Variants in OSBPL9 observed in about 807,000 individuals in gnomAD.
OSBPL9 encodes the protein oxysterol-binding protein-related protein 9.
OSBPL9 carries 40 observed loss-of-function variants against 106.6 expected under a neutral mutation model. The ratio of observed to expected loss-of-function variants is 0.38; its 90% CI spans 0.29 to 0.49. The LOEUF (loss-of-function observed/expected upper bound fraction) is 0.49, where lower values mean the gene tolerates loss of function less well. Among genes scored for constraint, OSBPL9 ranks in the 20% least tolerant of loss-of-function variants. The pLI, the probability that OSBPL9 is intolerant of heterozygous loss-of-function variation, is 0.97. For missense variants in OSBPL9, 609 were observed against 887.2 expected (o/e 0.69, Z 3.98); for synonymous variants, 269 against 295.4 (o/e 0.91, Z 0.92).
chr1:51,621,272 C>T (rs1221502410), intron 1 of OSBPL9, among the ~76,000 whole-genome samples: 3 of 152,012 alleles, frequency 2.0e-5, no homozygotes, highest in African/African-American at 4.8e-5. Context: ...GAGGCCGAGG[C>T]GGGGAGATCA....
the OSBPL9 span, among the ~76,000 whole-genome samples, chr1:51,551,594 A>G: frequency 1.3e-5 from 2 of 151,520 alleles, no homozygotes; most frequent in Admixed American, 6.6e-5. Flanking sequence ...TTATTTACTT[A>G]TTTATTTTTT....
the OSBPL9 span, chr1:51,519,185 G>C: frequency 6.9e-7 from 1 of 1,443,784 alleles, no homozygotes; most frequent in Non-Finnish European, 9.2e-7. Flanking sequence ...CGGCGGACGG[G>C]CGTGTGGCGT....
At chr1:51,569,140 C>T in the OSBPL9 span, among the ~76,000 whole-genome samples, 21,624 of 152,148 alleles carry the variant, frequency 0.14, 2,127 homozygotes, top group South Asian at 0.27. Context: ...GTTACAGATA[C>T]AACACTCTGG....
At chr1:51,645,203 A>T (rs978550387) in intron 1 of OSBPL9, among the ~76,000 whole-genome samples, 1 of 152,204 alleles carries the variant, frequency 6.6e-6, no homozygotes, top group Non-Finnish European at 1.5e-5. Flanking sequence ...GTATTCTGTT[A>T]TAGTAGCACA....
chr1:51,721,318 A>G (rs1413622450), intron 4 of OSBPL9, among the ~76,000 whole-genome samples: 4 of 152,188 alleles, frequency 2.6e-5, no homozygotes, highest in African/African-American at 9.7e-5. Context: ...AAACATCATT[A>G]TATGAAAAGG....
upstream of OSBPL9, among the ~76,000 whole-genome samples, chr1:51,614,903 C>T (rs534898860): frequency 3.6e-4 from 55 of 152,272 alleles, no homozygotes; most frequent in African/African-American, 1.3e-3. Flanking sequence ...TATTAAAACC[C>T]TGGTACTATG....
intron 1 of OSBPL9, among the ~76,000 whole-genome samples, chr1:51,627,023 G>C (rs1644805679): frequency 6.6e-6 from 1 of 151,956 alleles, no homozygotes; most frequent in Admixed American, 6.6e-5. Flanking sequence ...TGTTTATTTT[G>C]AGACAAGGTC....
At chr1:51,774,345 T>A (rs1374621980) in intron 14 of OSBPL9, among the ~76,000 whole-genome samples, 2 of 152,236 alleles carry the variant, frequency 1.3e-5, no homozygotes, top group Non-Finnish European at 2.9e-5. Context: ...CATAATTATT[T>A]TTTACTGAAT....
upstream of OSBPL9, among the ~76,000 whole-genome samples, chr1:51,616,209 G>A (rs1038241867): frequency 6.6e-6 from 1 of 151,862 alleles, no homozygotes; most frequent in African/African-American, 2.4e-5. Context: ...GGTCTCGAAC[G>A]CCTGATCTCA....
At chr1:51,747,891 G>A (rs113572090) in intron 6 of OSBPL9, among the ~76,000 whole-genome samples, 4,893 of 152,120 alleles carry the variant, frequency 0.032, 155 homozygotes, top group Middle Eastern at 0.088. Flanking sequence ...CCAGGTTCAC[G>A]CCATTCTCCT....
intron 1 of OSBPL9, among the ~76,000 whole-genome samples, chr1:51,587,252 C>T (rs1645251755): frequency 1.3e-5 from 2 of 152,218 alleles, no homozygotes; most frequent in South Asian, 4.1e-4. Flanking sequence ...GTGCTTCCAG[C>T]TCCTCAGGAG....
chr1:51,545,952 A>G, the OSBPL9 span, among the ~76,000 whole-genome samples: 1 of 152,240 alleles, frequency 6.6e-6, no homozygotes, highest in Non-Finnish European at 1.5e-5. Flanking sequence ...AAACTAACAA[A>G]GAAAAATATG....
At chr1:51,568,569 C>T in the OSBPL9 span, among the ~76,000 whole-genome samples, 1 of 152,026 alleles carries the variant, frequency 6.6e-6, no homozygotes, top group Non-Finnish European at 1.5e-5. Flanking sequence ...TTTTTTGAGA[C>T]GGAGTCTCAG....
intron 3 of OSBPL9, among the ~76,000 whole-genome samples, chr1:51,706,128 G>A (rs1343820575): frequency 6.6e-6 from 1 of 152,144 alleles, no homozygotes; most frequent in Non-Finnish European, 1.5e-5. Flanking sequence ...GGAAGATTTT[G>A]TATTAGAGAT....
the OSBPL9 span, among the ~76,000 whole-genome samples, chr1:51,564,532 T>C: frequency 6.6e-6 from 1 of 152,172 alleles, no homozygotes; most frequent in Non-Finnish European, 1.5e-5. Context: ...ACCCCAACTT[T>C]TATATTTCTA....
the OSBPL9 span, among the ~76,000 whole-genome samples, chr1:51,540,682 A>G: frequency 1.2e-3 from 180 of 145,532 alleles, 1 homozygote; most frequent in African/African-American, 4.3e-3. Context: ...TTTGTTGGCC[A>G]GGTGTGGTGG....
chr1:51,718,479 C>A (rs1227776697), intron 4 of OSBPL9, among the ~76,000 whole-genome samples: 1 of 152,084 alleles, frequency 6.6e-6, no homozygotes, highest in Non-Finnish European at 1.5e-5. Flanking sequence ...CTACTATGTA[C>A]CCACAAAAAT....
intron 12 of OSBPL9, among the ~76,000 whole-genome samples, chr1:51,768,744 A>C (rs1673178102): frequency 6.6e-6 from 1 of 152,210 alleles, no homozygotes. Context: ...TTGTACCTGT[A>C]ATAGGCAGGT....
chr1:51,615,333 A>G, upstream of OSBPL9, among the ~76,000 whole-genome samples: 1 of 152,188 alleles, frequency 6.6e-6, no homozygotes, highest in East Asian at 1.9e-4. Flanking sequence ...CTACTGATCC[A>G]CTGGCATCTG....
Sources: allele counts gnomAD v4.1 joint callset (sites outside exome capture counted in the v4.1 genomes callset), GRCh38; gene constraint gnomAD v4.1.1; transcripts MANE v1.5; gene names NCBI Gene and HGNC (gene_info 2026-07-23, HGNC 2026-07-21).